Variants in CACNA2D3 observed in about 807,000 individuals in gnomAD.
CACNA2D3 encodes voltage-dependent calcium channel subunit alpha-2/delta-3.
CACNA2D3 carries 60 observed loss-of-function variants against 160.6 expected under a neutral mutation model. The ratio of observed to expected loss-of-function variants is 0.37; its 90% CI spans 0.30 to 0.46. The LOEUF (loss-of-function observed/expected upper bound fraction) is 0.46, where lower values mean the gene tolerates loss of function less well. Among genes scored for constraint, CACNA2D3 ranks in the 20% least tolerant of loss-of-function variants. The pLI, the probability that CACNA2D3 is intolerant of heterozygous loss-of-function variation, is 1.00. For synonymous variants in CACNA2D3, 558 were observed against 492.9 expected, an observed-to-expected ratio of 1.13 and a Z score of -1.75; for missense variants, 1,205 against 1,365.0, an observed-to-expected ratio of 0.88 and a Z score of 1.85.
At chr3:54,407,514 A>G (rs1233870991) in intron 4 of CACNA2D3, among the ~76,000 whole-genome samples, 1 of 152,152 alleles carries the variant, frequency 6.6e-6, no homozygotes, top group Non-Finnish European at 1.5e-5. Context: ...TATTCATAAG[A>G]CTGATGTATA....
At chr3:55,046,503 GGACAT>G (rs1704085597) in intron 35 of CACNA2D3, among the ~76,000 whole-genome samples, 2 of 66,176 alleles carry the variant, frequency 3.0e-5, no homozygotes, top group African/African-American at 7.3e-5. Context: ...GTCTATCGTT[GGACAT>G]TTGGGTTGGT....
chr3:54,878,427 A>G (rs1699714926), intron 18 of CACNA2D3, among the ~76,000 whole-genome samples: 1 of 152,046 alleles, frequency 6.6e-6, no homozygotes, highest in Non-Finnish European at 1.5e-5. Context: ...CTGCTCCTAA[A>G]CAGGACCTCC....
chr3:54,210,442 TTG>T (rs112519809), intron 2 of CACNA2D3, among the ~76,000 whole-genome samples: 43 of 148,072 alleles, frequency 2.9e-4, no homozygotes, highest in African/African-American at 7.6e-4. Flanking sequence ...GTGTGTGTGT[TTG>T]TGTGTGTGTG....
chr3:54,667,962 GT>G (rs1700097548), intron 11 of CACNA2D3, among the ~76,000 whole-genome samples: 1 of 145,616 alleles, frequency 6.9e-6, no homozygotes, highest in South Asian at 2.2e-4. Context: ...AAAAAAAAAA[GT>G]CAAAATAGAT....
chr3:54,592,129 G>A (rs149539251), intron 9 of CACNA2D3, among the ~76,000 whole-genome samples: 8 of 152,208 alleles, frequency 5.3e-5, no homozygotes, highest in Admixed American at 2.0e-4. Flanking sequence ...CACAATACTC[G>A]GGTGACCCCC....
intron 35 of CACNA2D3, among the ~76,000 whole-genome samples, chr3:55,038,722 A>G (rs930318858): frequency 6.6e-6 from 1 of 151,946 alleles, no homozygotes; most frequent in Non-Finnish European, 1.5e-5. Context: ...GAACAGTTCC[A>G]TAAAACCCAC....
Position 54,646,134 on chromosome 3 carries a change from CCTTCCTTCCT to C in CACNA2D3, c.1167+3894_1167+3903del, listed in dbSNP as rs1559537829. 9.3e-3 allele frequency among the ~76,000 whole-genome samples: 262 copies of C among 28,252 alleles called. 37 individuals are homozygous for C. Among genetic ancestry groups the C allele is most frequent in the Admixed American group, 0.035 (65 of 1,834 alleles). The allele number at this position is 28,252 out of a possible 152,430, so 18.5% of individuals were successfully genotyped here. ...TCCTTCCTTCCTTCCTTTCTTCCTT[CCTTCCTTCCT>C]TCCTTCCCTCCCTCCCTCCCTCCCT... On this transcript the variant is annotated intron_variant, in intron 11 of 37. Coordinates refer to ENST00000474759, the MANE Select transcript of CACNA2D3 (RefSeq NM_018398.3).
At chr3:54,603,900 CTAAATGT>C (rs1373957147) in intron 9 of CACNA2D3, among the ~76,000 whole-genome samples, 2 of 152,034 alleles carry the variant, frequency 1.3e-5, no homozygotes, top group East Asian at 3.9e-4. Context: ...TTTAACTTAT[CTAAATGT>C]CTTTTTAAAA....
chr3:54,470,256 A>C (rs1392332650), intron 4 of CACNA2D3, among the ~76,000 whole-genome samples: 1 of 152,224 alleles, frequency 6.6e-6, no homozygotes, highest in Admixed American at 6.5e-5. Context: ...TATAAGCCAG[A>C]AGAGAGTGGG....
chr3:54,816,318 A>G lies in CACNA2D3; in HGVS notation c.1381-535A>G, dbSNP rs556054713. On this transcript the variant is annotated intron_variant, in intron 13 of 37. Coordinates refer to ENST00000474759, the MANE Select transcript of CACNA2D3 (RefSeq NM_018398.3). ...AGCAGGGTTTCTCAACTTTGGCACT[A>G]TGGATATATGGGCTGGGCAGTTTGT... 7.9e-5 allele frequency among the ~76,000 whole-genome samples: 12 copies of G among 152,276 alleles called. No homozygotes were observed. In the South Asian group the frequency reaches 2.1e-3, roughly 26 times the overall value.
intron 4 of CACNA2D3, among the ~76,000 whole-genome samples, chr3:54,433,126 T>G (rs1700012833): frequency 6.6e-6 from 1 of 152,216 alleles, no homozygotes; most frequent in Non-Finnish European, 1.5e-5. Context: ...GAGCTCAACA[T>G]TCCAACGCTG....
At chr3:54,585,343 A>G (rs889482381) in intron 9 of CACNA2D3, among the ~76,000 whole-genome samples, 1 of 152,244 alleles carries the variant, frequency 6.6e-6, no homozygotes, top group African/African-American at 2.4e-5. Flanking sequence ...GTACCATAAT[A>G]CCTACAGCAA....
chr3:54,208,015 A>G (rs923783079), intron 2 of CACNA2D3, among the ~76,000 whole-genome samples: 9 of 152,216 alleles, frequency 5.9e-5, no homozygotes, highest in Admixed American at 3.9e-4. Flanking sequence ...AGTGTTGTCG[A>G]TTTGATTTTG....
At chr3:54,836,869 A>C (rs963320455) in intron 14 of CACNA2D3, among the ~76,000 whole-genome samples, 1 of 152,232 alleles carries the variant, frequency 6.6e-6, no homozygotes, top group African/African-American at 2.4e-5. Context: ...AAATAAAATG[A>C]ATCAGGAAGA....
chr3:54,746,596 A>G (rs544633653), intron 11 of CACNA2D3, among the ~76,000 whole-genome samples: 2 of 152,346 alleles, frequency 1.3e-5, no homozygotes, highest in African/African-American at 4.8e-5. Flanking sequence ...CCGATAGGTC[A>G]TGAAGAGATT....
At chr3:54,613,193 C>T (rs540578944) in intron 9 of CACNA2D3, among the ~76,000 whole-genome samples, 3 of 152,256 alleles carry the variant, frequency 2.0e-5, no homozygotes, top group South Asian at 2.1e-4. Flanking sequence ...TGTACATTTG[C>T]AAAGAGGTGT....
chr3:54,265,656 A>ATAGTGTGTATATATATAGT, intron 2 of CACNA2D3, among the ~76,000 whole-genome samples: 1 of 53,042 alleles, frequency 1.9e-5, no homozygotes, highest in Non-Finnish European at 5.1e-5. Flanking sequence ...GTATATATAT[A>ATAGTGTGTATATATATAGT]GTGTATATAT....
rs749925186 is a variant in CACNA2D3, at chr3:54,838,659, A to C, written c.1551+11A>C. ...ATCCCCAAATACAAGGTAATGAATG[A>C]CCTAATCCCTGAAATCAAAGCAACA... On this transcript the variant is annotated intron_variant, in intron 16 of 37. Coordinates refer to ENST00000474759, the MANE Select transcript of CACNA2D3 (RefSeq NM_018398.3). 24 of 1,589,668 alleles carry C rather than the reference A, an allele frequency of 1.5e-5. No individual in the cohort carries two copies. In the East Asian group the frequency reaches 5.4e-4, roughly 36 times the overall value.
intron 21 of CACNA2D3, among the ~76,000 whole-genome samples, chr3:54,882,538 C>T (rs1470982105): frequency 6.6e-6 from 1 of 152,198 alleles, no homozygotes; most frequent in Non-Finnish European, 1.5e-5. Flanking sequence ...CTAACTGTAA[C>T]CACTGTGCAA....
Sources: allele counts gnomAD v4.1 joint callset (sites outside exome capture counted in the v4.1 genomes callset), GRCh38; gene constraint gnomAD v4.1.1; transcripts MANE v1.5; gene names NCBI Gene and HGNC (gene_info 2026-07-23, HGNC 2026-07-21).